NECTIN1: variants seen among roughly 807,000 people sequenced by gnomAD.
NECTIN1 encodes the protein nectin-1.
A neutral mutation model predicts 48.0 loss-of-function variants in NECTIN1; 23 were observed. That is an observed-to-expected ratio of 0.48 (90% CI 0.34 to 0.68). The LOEUF (loss-of-function observed/expected upper bound fraction) is 0.68. Ranked by LOEUF, NECTIN1 falls within the 30% of genes least tolerant of loss-of-function variation. The probability of loss-of-function intolerance (pLI) is 0.01; values close to 1 mark genes in which losing one functional copy is unlikely to be tolerated. For synonymous variants in NECTIN1, 270 were observed against 288.9 expected (o/e 0.93, Z 0.66); for missense variants, 591 against 709.9 (o/e 0.83, Z 1.90).
Position 119,684,936 on chromosome 11 carries a change from T to C in NECTIN1, c.80-6171A>G, listed in dbSNP as rs563344657. 6.6e-6 allele frequency among the ~76,000 whole-genome samples: 1 copy of C among 152,248 alleles called. No individual in the cohort carries two copies. Among genetic ancestry groups the C allele is most frequent in the South Asian group, 2.1e-4 (1 of 4,822 alleles). ...CCAGGAGATTCACGGGTGCCCAGGC[T>C]GCCCCCTCCTGCCTCCAGACTCCCC... On this transcript the variant is annotated intron_variant, in intron 1 of 5. Transcript: ENST00000264025. The surrounding 1 kb of genome is among the most constrained non-coding windows in gnomAD (Gnocchi z 5.2).
Position 119,677,583 on chromosome 11 carries a change from G to A in NECTIN1, c.705C>T (p.Phe235=). Residue 235 remains phenylalanine, a synonymous_variant, in exon 3 of 6, where the codon TTC becomes TTT. Transcript: ENST00000264025. The surrounding 1 kb of genome is among the most constrained non-coding windows in gnomAD (Gnocchi z 5.4). ...GCACGTTGAGAGTGAGGCTTTCCTT[G>A]AAGCGGTCCATGTGGTAGTTGACGA... ...ACIVNYHMDR[F]KESLTLNVQY... The A allele has an allele frequency of 6.2e-7, 1 of 1,612,946 alleles. No homozygotes were observed. The highest frequency in any genetic ancestry group is 8.5e-7 in the Non-Finnish European group (1 of 1,180,012).
At chr11:119,726,089 G>A (rs1040384952) in intron 1 of NECTIN1, among the ~76,000 whole-genome samples, 5 of 152,130 alleles carry the variant, frequency 3.3e-5, no homozygotes, top group African/African-American at 9.7e-5. Context: ...GGAGTGTTTT[G>A]AAGTTGGGGG....
chr11:119,691,839 C>T (rs1865259270), intron 1 of NECTIN1, among the ~76,000 whole-genome samples: 1 of 152,158 alleles, frequency 6.6e-6, no homozygotes, highest in Non-Finnish European at 1.5e-5. Context: ...GCCTGGCCTG[C>T]CCTGCTCCCA....
intron 5 of NECTIN1, among the ~76,000 whole-genome samples, chr11:119,671,289 C>A (rs1364125675): frequency 6.6e-6 from 1 of 152,014 alleles, no homozygotes; most frequent in Non-Finnish European, 1.5e-5. Context: ...AAGAGCCAGG[C>A]CGCAGGGTCA....
At position 119,711,361 on chromosome 11, in the gene NECTIN1, G is replaced by T. The variant is rs77921107; in HGVS notation, c.79+17114C>A. Among the ~76,000 whole-genome samples the T allele has an allele frequency of 2.5e-3, 374 of 151,232 alleles. 6 individuals are homozygous for T. The East Asian group carries it at 0.049, about 20-fold the overall frequency. On this transcript the variant is annotated intron_variant, in intron 1 of 5. Coordinates refer to ENST00000264025, the MANE Select transcript of NECTIN1 (RefSeq NM_002855.5). ...GCTGAGATCGTGCCACCGCACTCCAGCCTGGGCAACAGAGTGAGACTCTGT... is the reference window on the plus strand; with the variant it reads ...GCTGAGATCGTGCCACCGCACTCCATCCTGGGCAACAGAGTGAGACTCTGT...
chr11:119,655,931 T>C (rs2135535458), intron 5 of NECTIN1, among the ~76,000 whole-genome samples: 1 of 152,330 alleles, frequency 6.6e-6, no homozygotes, highest in African/African-American at 2.4e-5. Flanking sequence ...AAGATCTCAC[T>C]CTGTCGCTTA....
At chr11:119,638,335 C>T (rs1329640394) in intron 7 of NECTIN1, 1 of 1,511,484 alleles carries the variant, frequency 6.6e-7, no homozygotes, top group Non-Finnish European at 9.1e-7. Context: ...GATTGGGACT[C>T]CTCAGTTCCC....
chr11:119,695,078 T>C (rs1382098020), intron 1 of NECTIN1, among the ~76,000 whole-genome samples: 1 of 152,142 alleles, frequency 6.6e-6, no homozygotes. Context: ...CTAATGGGTA[T>C]TACGTTAGGT....
chr11:119,679,077 C>T (rs963100863), intron 1 of NECTIN1, among the ~76,000 whole-genome samples: 6 of 152,164 alleles, frequency 3.9e-5, no homozygotes, highest in African/African-American at 1.2e-4. Context: ...TACATATTAT[C>T]CCATAAGCTG....
At position 119,675,201 on chromosome 11, in the gene NECTIN1, G is replaced by C. The variant is rs1303457029; in HGVS notation, c.961C>G (p.Pro321Ala). 6.2e-7 allele frequency: 1 copy of C among 1,614,066 alleles called. No individual in the cohort carries two copies. Among genetic ancestry groups the C allele is most frequent in the African/African-American group, 1.3e-5 (1 of 74,910 alleles). ...ACCTGGCCTGAGCGTGTACCGATGGGGTTGGTGGCCTCACAGATGTAGGTC... is the reference window on the plus strand; with the variant it reads ...ACCTGGCCTGAGCGTGTACCGATGGCGTTGGTGGCCTCACAGATGTAGGTC... Reference protein sequence around the residue: ...AGTYICEATNPIGTRSGQVEV... With the variant: ...AGTYICEATNAIGTRSGQVEV... The change falls in exon 5 of 6, where the codon CCC (proline) becomes GCC (alanine). Residue 321 changes from proline (P) to alanine (A), a missense_variant. Coordinates refer to ENST00000264025, the MANE Select transcript of NECTIN1 (RefSeq NM_002855.5).
intron 1 of NECTIN1, among the ~76,000 whole-genome samples, chr11:119,698,513 G>A (rs1858816478): frequency 6.6e-6 from 1 of 152,218 alleles, no homozygotes; most frequent in African/African-American, 2.4e-5. Context: ...GGTGTGCTTG[G>A]GCATGTGGGA....
chr11:119,649,207 C>T lies in NECTIN1; in HGVS notation c.1004-9195G>A, dbSNP rs544634167. ...TATCCTGGCCAACATGGTGAAACCC[C>T]GTCTCAACTAAACACACAAAAAAAT... On this transcript the variant is annotated intron_variant, in intron 5 of 7. Transcript: ENST00000341398. Among the ~76,000 whole-genome samples, 183 of 152,232 alleles carry T rather than the reference C, an allele frequency of 1.2e-3. 1 individual carries two copies. Among genetic ancestry groups the T allele is most frequent in the African/African-American group, 4.2e-3 (175 of 41,520 alleles).
chr11:119,700,432 C>T (rs1865431280), intron 1 of NECTIN1, among the ~76,000 whole-genome samples: 1 of 152,244 alleles, frequency 6.6e-6, no homozygotes, highest in Non-Finnish European at 1.5e-5. Flanking sequence ...GTGGCTTTCT[C>T]TTTCCAAGCC....
intron 5 of NECTIN1, chr11:119,640,202 A>C: frequency 1.6e-6 from 1 of 642,752 alleles, no homozygotes; most frequent in Non-Finnish European, 2.7e-6. Flanking sequence ...CTCCTCCTCT[A>C]GTTCCCTATG....
downstream of NECTIN1, chr11:119,659,123 G>A (rs767011066): frequency 2.0e-4 from 30 of 152,298 alleles, no homozygotes; most frequent in African/African-American, 6.5e-4. Flanking sequence ...CTACCCCAGC[G>A]CTTTACACAC....
Position 119,729,192 on chromosome 11 carries a change from GCT to G in NECTIN1, c.-641_-640del, listed in dbSNP as rs1049542727. The G allele has an allele frequency of 1.3e-5, 2 of 152,152 alleles. No homozygotes were observed. The highest frequency in any genetic ancestry group is 4.8e-5 in the African/African-American group (2 of 41,442). The allele number at this position is 152,152 out of a possible 1,614,324, so 9.4% of individuals were successfully genotyped here. ...ATGTGGAGCCGCGCTCGCTGCTCTC[GCT>G]CTCTTTCTCTCACTCGCCGAGCTCC... On this transcript the variant is annotated 5_prime_UTR_variant, in exon 1 of 6. Transcript: ENST00000264025.
chr11:119,692,835 C>T (rs530511038), intron 1 of NECTIN1, among the ~76,000 whole-genome samples: 83 of 152,356 alleles, frequency 5.4e-4, no homozygotes, highest in Non-Finnish European at 1.0e-3. Context: ...TTCTTCACCA[C>T]ACTCATAGCT....
chr11:119,671,122 A>C (rs1864855849), intron 5 of NECTIN1, among the ~76,000 whole-genome samples: 1 of 151,162 alleles, frequency 6.6e-6, no homozygotes, highest in Non-Finnish European at 1.5e-5. Context: ...AAGGAGAAGC[A>C]TGGGGATCTA....
downstream of NECTIN1, among the ~76,000 whole-genome samples, chr11:119,657,613 T>TAA (rs1565379944): frequency 0.043 from 1,590 of 37,196 alleles, 66 homozygotes; most frequent in African/African-American, 0.098. Flanking sequence ...GACTTTGTCT[T>TAA]TAAAAAAAAA....
Sources: gnomAD v4.1 joint callset for allele counts (sites outside exome capture counted in the v4.1 genomes callset) on GRCh38, gnomAD v4.1.1 for gene constraint, Gnocchi (gnomAD v3.1) non-coding constraint, MANE v1.5 for transcripts, NCBI Gene and HGNC (gene_info 2026-07-23, HGNC 2026-07-21) for gene names.